The following NUP210L variants were observed in gnomAD, a reference collection of about 807,000 sequenced individuals.
NUP210L encodes nucleoporin 210 like.
A neutral mutation model predicts 208.5 loss-of-function variants in NUP210L; 74 were observed. The ratio of observed to expected loss-of-function variants is 0.35; its 90% CI spans 0.29 to 0.43. The LOEUF (loss-of-function observed/expected upper bound fraction) is 0.43, where lower values mean the gene tolerates loss of function less well. Ranked by LOEUF, NUP210L falls within the 20% of genes least tolerant of loss-of-function variation. The pLI, the probability that NUP210L is intolerant of heterozygous loss-of-function variation, is 1.00. For missense variants in NUP210L, 1,843 were observed against 2,289.4 expected (o/e 0.81, Z 3.98); for synonymous variants, 780 against 816.9 (o/e 0.95, Z 0.77).
intron 12 of NUP210L, among the ~76,000 whole-genome samples, chr1:154,105,402 T>A (rs906269266): frequency 2.7e-5 from 4 of 150,424 alleles, no homozygotes; most frequent in African/African-American, 9.8e-5. Context: ...GGCATGAGAA[T>A]TGCTTGAACC....
At chr1:154,051,193 T>A (rs1468851947) in intron 25 of NUP210L, among the ~76,000 whole-genome samples, 1 of 151,128 alleles carries the variant, frequency 6.6e-6, no homozygotes, top group Non-Finnish European at 1.5e-5. Flanking sequence ...GCTACTACAA[T>A]ATATAATGCT....
intron 37 of NUP210L, among the ~76,000 whole-genome samples, chr1:153,997,262 C>CT (rs11358509): frequency 0.12 from 16,649 of 143,672 alleles, 1,359 homozygotes; most frequent in East Asian, 0.46. Flanking sequence ...TCGCGCTGGC[C>CT]TTTTTTTTTT....
At chr1:154,005,435 G>T (rs1482946665) in intron 35 of NUP210L, among the ~76,000 whole-genome samples, 1 of 151,312 alleles carries the variant, frequency 6.6e-6, no homozygotes, top group Non-Finnish European at 1.5e-5. Context: ...CACCACGTTG[G>T]CCAGGCTGGT....
intron 1 of NUP210L, among the ~76,000 whole-genome samples, chr1:154,154,238 G>A (rs1659569785): frequency 6.6e-6 from 1 of 151,966 alleles, no homozygotes; most frequent in Non-Finnish European, 1.5e-5. Flanking sequence ...ATAGTCTCTG[G>A]GCCTCACTTT....
intron 12 of NUP210L, 27 bp from the exon 13 acceptor site, chr1:154,104,237 G>A: frequency 6.3e-7 from 1 of 1,598,976 alleles, no homozygotes; most frequent in Admixed American, 1.7e-5. Flanking sequence ...CATCTTTCAA[G>A]AAAGTTATGT....
At chr1:154,028,057 C>A (rs1332788191) in intron 28 of NUP210L, among the ~76,000 whole-genome samples, 1 of 151,388 alleles carries the variant, frequency 6.6e-6, no homozygotes, top group Admixed American at 6.6e-5. Context: ...CACATGGAAT[C>A]AGAGAACCAA....
intron 12 of NUP210L, among the ~76,000 whole-genome samples, chr1:154,108,557 T>C (rs1437603076): frequency 6.6e-6 from 1 of 151,550 alleles, no homozygotes; most frequent in Non-Finnish European, 1.5e-5. Flanking sequence ...TAATGAGTTA[T>C]AAGATCTTAT....
intron 15 of NUP210L, among the ~76,000 whole-genome samples, chr1:154,091,261 A>C (rs1557970339): frequency 6.6e-6 from 1 of 151,322 alleles, no homozygotes; most frequent in Non-Finnish European, 1.5e-5. Context: ...ACACCCGGCT[A>C]ATTTTTGTAT....
intron 1 of NUP210L, 98 bp downstream of exon 1, chr1:154,154,744 C>T: frequency 1.0e-6 from 1 of 1,002,558 alleles, no homozygotes; most frequent in South Asian, 1.4e-5. Flanking sequence ...TTCACGCGGC[C>T]CCACACGGTA....
chr1:154,030,256 A>G (rs369492498), intron 27 of NUP210L, among the ~76,000 whole-genome samples: 3 of 152,122 alleles, frequency 2.0e-5, no homozygotes, highest in African/African-American at 7.2e-5. Flanking sequence ...AATCTCACAA[A>G]TCACCACTAA....
intron 15 of NUP210L, among the ~76,000 whole-genome samples, chr1:154,092,075 T>C (rs1655949863): frequency 6.8e-6 from 1 of 146,576 alleles, no homozygotes; most frequent in Non-Finnish European, 1.5e-5. Flanking sequence ...GGAGCCATTT[T>C]TTTTTTTTTT....
chr1:154,057,262 T>C (rs1653918608), intron 22 of NUP210L, among the ~76,000 whole-genome samples: 1 of 152,032 alleles, frequency 6.6e-6, no homozygotes, highest in African/African-American at 2.4e-5. Context: ...GCAGCATGAG[T>C]CACCACGCTT....
intron 35 of NUP210L, 32 bp downstream of exon 35, chr1:154,009,940 T>G (rs1288536105): frequency 6.4e-7 from 1 of 1,558,422 alleles, no homozygotes; most frequent in Non-Finnish European, 8.7e-7. Context: ...ATAAACAGAA[T>G]GGGGAAACCA....
intron 16 of NUP210L, among the ~76,000 whole-genome samples, chr1:154,084,432 G>A (rs1655518511): frequency 6.6e-6 from 1 of 151,476 alleles, no homozygotes; most frequent in East Asian, 1.9e-4. Flanking sequence ...GGCTGGTCTT[G>A]AACTTCTGAC....
At chr1:154,048,012 G>A (rs1653283602) in intron 25 of NUP210L, among the ~76,000 whole-genome samples, 3 of 152,212 alleles carry the variant, frequency 2.0e-5, no homozygotes, top group African/African-American at 7.2e-5. Context: ...AATGGAACAA[G>A]TGTGGGCTCT....
At chr1:154,010,782 A>G (rs1557911855) in intron 34 of NUP210L, among the ~76,000 whole-genome samples, 1 of 151,700 alleles carries the variant, frequency 6.6e-6, no homozygotes, top group Non-Finnish European at 1.5e-5. Context: ...AGGCAGGAGA[A>G]TTGCTTGAAC....
chr1:154,146,579 C>T (rs1659120297), intron 2 of NUP210L, among the ~76,000 whole-genome samples: 1 of 150,736 alleles, frequency 6.6e-6, no homozygotes, highest in Non-Finnish European at 1.5e-5. Flanking sequence ...CTGCAGTGAG[C>T]TGAGTCCATG....
chr1:154,129,750 G>A (rs187901564), intron 7 of NUP210L, among the ~76,000 whole-genome samples: 1 of 152,328 alleles, frequency 6.6e-6, no homozygotes, highest in Non-Finnish European at 1.5e-5. Context: ...GAGGCAGAGG[G>A]AGAGGCATGA....
chr1:154,002,070 G>T, intron 35 of NUP210L, 85 bp from the exon 36 acceptor site: 2 of 1,381,344 alleles, frequency 1.4e-6, no homozygotes, highest in African/African-American at 1.5e-5. Flanking sequence ...GGAAAATTGT[G>T]ACATGCAAAT....
Sources: gnomAD v4.1 joint callset for allele counts (sites outside exome capture counted in the v4.1 genomes callset) on GRCh38, gnomAD v4.1.1 for gene constraint, MANE v1.5 for transcripts, NCBI Gene and HGNC (gene_info 2026-07-23, HGNC 2026-07-21) for gene names.